The following ST14 variants were observed in gnomAD, a reference collection of about 807,000 sequenced individuals.
ST14 encodes ST14 transmembrane serine protease matriptase, also known as suppressor of tumorigenicity 14 protein.
A neutral mutation model predicts 96.5 loss-of-function variants in ST14; 40 were observed. The ratio of observed to expected loss-of-function variants is 0.41; its 90% CI spans 0.32 to 0.54. The LOEUF is 0.54. ST14 is among the 20% of genes least tolerant of loss of function. The probability of loss-of-function intolerance (pLI) is 0.17; values close to 1 mark genes in which losing one functional copy is unlikely to be tolerated. For missense variants in ST14, 1,066 were observed against 1,188.9 expected, an observed-to-expected ratio of 0.90 and a Z score of 1.52; for synonymous variants, 506 against 492.1, an observed-to-expected ratio of 1.03 and a Z score of -0.37.
At chr11:130,171,570 TG>T (rs1168770347) in intron 1 of ST14, among the ~76,000 whole-genome samples, 3 of 152,184 alleles carry the variant, frequency 2.0e-5, no homozygotes, top group South Asian at 2.1e-4. Context: ...TCTGCAATAT[TG>T]GGGGGGTCTC....
At chr11:130,179,350 G>A (rs1288936748) in intron 1 of ST14, among the ~76,000 whole-genome samples, 2 of 152,220 alleles carry the variant, frequency 1.3e-5, no homozygotes, top group Non-Finnish European at 2.9e-5. Flanking sequence ...GGGAACCATA[G>A]GCTTTTGCAG....
At position 130,206,567 on chromosome 11, in the gene ST14, C is replaced by CTT. The variant is rs57270082; in HGVS notation, c.1995-1833_1995-1832dup. Reference sequence around the variant, plus strand: ...TTTCTTTCTCTTTCTCTTTTCTTTTCTTTTTTTTTTTCTTTTTTGAGGTGG... The same window carrying CTT: ...TTTCTTTCTCTTTCTCTTTTCTTTTCTTTTTTTTTTTTTCTTTTTTGAGGTGG... On this transcript the variant is annotated intron_variant, in intron 16 of 18. Coordinates refer to ENST00000278742, the MANE Select transcript of ST14 (RefSeq NM_021978.4). Among the ~76,000 whole-genome samples, 608 of 143,136 alleles carry CTT rather than the reference C, an allele frequency of 4.2e-3. 4 individuals carry two copies. Among genetic ancestry groups the CTT allele is most frequent in the East Asian group, 0.021 (105 of 4,918 alleles). 93.9% of individuals were successfully genotyped at this position (143,136 alleles called of 152,430 possible).
chr11:130,202,945 C>G (rs1420446702), intron 16 of ST14, among the ~76,000 whole-genome samples: 1 of 152,144 alleles, frequency 6.6e-6, no homozygotes, highest in African/African-American at 2.4e-5. Flanking sequence ...CACTCCAGCC[C>G]CTGGGGTCAC....
In ST14 at chr11:130,210,214, G is replaced by A. The variant is rs1357703646; in HGVS notation, c.*391G>A. The A allele has an allele frequency of 4.8e-6, 1 of 206,572 alleles. No individual in the cohort carries two copies. Among genetic ancestry groups the A allele is most frequent in the Non-Finnish European group, 9.8e-6 (1 of 102,156 alleles). 12.8% of individuals were successfully genotyped at this position (206,572 alleles called of 1,614,324 possible). On this transcript the variant is annotated 3_prime_UTR_variant, in exon 19 of 19. Coordinates refer to ENST00000278742, the MANE Select transcript of ST14 (RefSeq NM_021978.4). The stretch of plus-strand genomic sequence containing the variant: ...GTGGGGCTGCCGGATCTGGGCTGTG[G>A]GGCCCTTGGGCCACGCTCTTGAGGA...
At position 130,187,755 on chromosome 11, in the gene ST14, A is replaced by G. The variant is rs1272232786; in HGVS notation, c.82-359A>G. ...GGGCCACTCTCCGGGGCACCCACCT[A>G]CGTCAAAGGTGATTCACTGAAGGGG... On this transcript the variant is annotated intron_variant, in intron 1 of 18. Coordinates refer to ENST00000278742, the MANE Select transcript of ST14 (RefSeq NM_021978.4). The surrounding 1 kb of genome is among the most constrained non-coding windows in gnomAD (Gnocchi z 4.5). 1.3e-5 allele frequency among the ~76,000 whole-genome samples: 2 copies of G among 152,292 alleles called. No homozygotes were observed. The highest frequency in any genetic ancestry group is 2.1e-4 in the South Asian group (1 of 4,828).
At chr11:130,186,577 C>T (rs959394284) in intron 1 of ST14, among the ~76,000 whole-genome samples, 1 of 152,060 alleles carries the variant, frequency 6.6e-6, no homozygotes, top group African/African-American at 2.4e-5. Context: ...TAAAAAGAAA[C>T]CCCAGTCAAT....
chr11:130,173,144 G>T (rs1461172220), intron 1 of ST14, among the ~76,000 whole-genome samples: 1 of 152,142 alleles, frequency 6.6e-6, no homozygotes, highest in Non-Finnish European at 1.5e-5. Context: ...CTTCCAAATA[G>T]AACATAATTA....
chr11:130,193,614 C>T (rs1464218899), intron 7 of ST14, among the ~76,000 whole-genome samples: 2 of 152,188 alleles, frequency 1.3e-5, no homozygotes, highest in East Asian at 1.9e-4. Flanking sequence ...GGATTACAGG[C>T]GTGCACCGTG....
intron 1 of ST14, among the ~76,000 whole-genome samples, chr11:130,171,970 G>T (rs1013911783): frequency 6.6e-6 from 1 of 152,202 alleles, no homozygotes; most frequent in African/African-American, 2.4e-5. Flanking sequence ...CGGTTTCGTG[G>T]GGAAGAGTTT....
rs149616172 is a variant in ST14 at position 130,190,547 on chromosome 11, G to A, written c.728G>A (p.Arg243His). The stretch of plus-strand genomic sequence containing the variant: ...GACAGCCCCTACCCCGCTCATGCCC[G>A]CTGCCAGTGGGCCCTGCGGGGGGAC... ...FPDSPYPAHARCQWALRGDAD... is the reference protein window; with the variant it reads ...FPDSPYPAHAHCQWALRGDAD... Residue 243 changes from arginine (R) to histidine (H), a missense_variant, in exon 7 of 19, where the codon CGC becomes CAC. Physicochemically the swap from Arg to His is conservative, Grantham distance 29 (BLOSUM62 0). Coordinates refer to ENST00000278742, the MANE Select transcript of ST14 (RefSeq NM_021978.4). 29 of 1,611,720 alleles carry A rather than the reference G, an allele frequency of 1.8e-5. No homozygotes were observed. The highest frequency in any genetic ancestry group is 1.2e-4 in the South Asian group (11 of 91,066).
intron 1 of ST14, among the ~76,000 whole-genome samples, chr11:130,171,679 C>G (rs1026412772): frequency 6.6e-6 from 1 of 152,220 alleles, no homozygotes; most frequent in East Asian, 1.9e-4. Flanking sequence ...ATAAACACCA[C>G]TAGCCACATG....
rs143332822 is a variant in ST14 at position 130,208,372 on chromosome 11, G to T, written c.1995-38G>T. 29 of 1,613,566 alleles carry T rather than the reference G, an allele frequency of 1.8e-5. No individual in the cohort carries two copies. The South Asian group carries it at 2.6e-4, about 15-fold the overall frequency. On this transcript the variant is annotated intron_variant, in intron 16 of 18. Transcript: ENST00000278742. ...GCCGCGAGGCCGTGTGCACAGACCCGAGTGACCGCGCAGTCTCATAGCGGC... is the reference window on the plus strand; with the variant it reads ...GCCGCGAGGCCGTGTGCACAGACCCTAGTGACCGCGCAGTCTCATAGCGGC...
rs547892214 is a variant in ST14, at chr11:130,182,797, C to T, written c.82-5317C>T. On this transcript the variant is annotated intron_variant, in intron 1 of 18. Transcript: ENST00000278742. The stretch of plus-strand genomic sequence containing the variant: ...CCCGAATAGCTGGGATAACAGGTGT[C>T]CGCCACCACACCTGGCTAATTTTTT... Among the ~76,000 whole-genome samples the T allele has an allele frequency of 2.3e-4, 35 of 151,150 alleles. No individual in the cohort carries two copies. In the South Asian group the frequency reaches 6.3e-3, roughly 27 times the overall value.
chr11:130,209,690 T>C lies in ST14; in HGVS notation c.2435T>C (p.Val812Ala), dbSNP rs1486004169. Reference protein sequence around the residue: ...QGDSGGPLSSVEADGRIFQAG... With the variant: ...QGDSGGPLSSAEADGRIFQAG... ...GATTCCGGGGGACCCCTGTCCAGCGTGGAGGCGGATGGGCGGATCTTCCAG... is the reference window on the plus strand; with the variant it reads ...GATTCCGGGGGACCCCTGTCCAGCGCGGAGGCGGATGGGCGGATCTTCCAG... Residue 812 changes from valine (V) to alanine (A), a missense_variant, in exon 19 of 19, where the codon GTG becomes GCG. Physicochemically the swap from Val to Ala is moderately conservative, Grantham distance 64. Coordinates refer to ENST00000278742, the MANE Select transcript of ST14 (RefSeq NM_021978.4). 2.5e-6 allele frequency: 4 copies of C among 1,613,298 alleles called. No homozygotes were observed. Among genetic ancestry groups the C allele is most frequent in the East Asian group, 2.2e-5 (1 of 44,878 alleles).
intron 1 of ST14, among the ~76,000 whole-genome samples, chr11:130,170,791 A>C (rs1057251063): frequency 1.1e-4 from 16 of 152,200 alleles, no homozygotes; most frequent in Middle Eastern, 6.8e-3. Context: ...TGGGCACAGC[A>C]GGGGCCCGTC....
intron 1 of ST14, among the ~76,000 whole-genome samples, chr11:130,162,020 T>C (rs1378054059): frequency 6.6e-6 from 1 of 152,202 alleles, no homozygotes; most frequent in East Asian, 1.9e-4. Context: ...TAGTGTGTGT[T>C]TGCAGCTAGG....
chr11:130,204,721 G>A (rs926294444), intron 16 of ST14, among the ~76,000 whole-genome samples: 2 of 152,164 alleles, frequency 1.3e-5, no homozygotes, highest in African/African-American at 4.8e-5. Flanking sequence ...GGCTGAGGTG[G>A]GAGGATCGCT....
chr11:130,194,896 CAG>C (rs1953344870), intron 9 of ST14, among the ~76,000 whole-genome samples, 159 bp downstream of exon 9: 1 of 151,176 alleles, frequency 6.6e-6, no homozygotes, highest in Non-Finnish European at 1.5e-5. Context: ...GTGTGTGAGA[CAG>C]AGGTGGATGG....
At chr11:130,166,571 G>C (rs879920834) in intron 1 of ST14, among the ~76,000 whole-genome samples, 3 of 152,202 alleles carry the variant, frequency 2.0e-5, no homozygotes, top group South Asian at 2.1e-4. Flanking sequence ...GATGACACCA[G>C]CTGGGAGGGA....
Sources: gnomAD v4.1 joint callset for allele counts (sites outside exome capture counted in the v4.1 genomes callset) on GRCh38, gnomAD v4.1.1 for gene constraint, Gnocchi (gnomAD v3.1) non-coding constraint, MANE v1.5 for transcripts, NCBI Gene and HGNC (gene_info 2026-07-23, HGNC 2026-07-21) for gene names.